STIM1: variants seen among roughly 807,000 people sequenced by gnomAD.
The protein encoded by STIM1 is stromal interaction molecule 1.
Under a neutral mutation model 74.7 loss-of-function variants are expected in STIM1, and 25 were observed. The observed-to-expected ratio is 0.33, with a 90% CI of 0.24 to 0.47. The LOEUF (loss-of-function observed/expected upper bound fraction) is 0.47, where lower values mean the gene tolerates loss of function less well. Among genes scored for constraint, STIM1 ranks in the 20% least tolerant of loss-of-function variants. The pLI is 1.00. For missense variants in STIM1, 728 were observed against 920.8 expected (o/e 0.79, Z 2.71); for synonymous variants, 328 against 348.8 (o/e 0.94, Z 0.66).
At chr11:4,046,997 G>T (rs1204315874) in intron 3 of STIM1, among the ~76,000 whole-genome samples, 2 of 152,082 alleles carry the variant, frequency 1.3e-5, no homozygotes, top group Non-Finnish European at 2.9e-5. Flanking sequence ...ACTTATCCAC[G>T]TGAGCTGTAT....
chr11:3,969,017 G>A (rs2093366464), intron 2 of STIM1, among the ~76,000 whole-genome samples: 1 of 152,202 alleles, frequency 6.6e-6, no homozygotes, highest in African/African-American at 2.4e-5. Flanking sequence ...CTGCTGTATT[G>A]TTTCTCCTAT....
chr11:3,990,451 A>G (rs73429613), intron 2 of STIM1, among the ~76,000 whole-genome samples: 1,950 of 152,330 alleles, frequency 0.013, 44 homozygotes, highest in African/African-American at 0.045. Context: ...GGGTACATAC[A>G]TATGAATAGA....
intron 1 of STIM1, among the ~76,000 whole-genome samples, chr11:3,941,675 G>T (rs12292282): frequency 0.016 from 896 of 55,216 alleles, 3 homozygotes; most frequent in East Asian, 0.035. Context: ...TATATATATA[G>T]AGAGAGAGAG....
At position 4,059,265 on chromosome 11, in the gene STIM1, C is replaced by T. The variant is rs746569099; in HGVS notation, c.498-16C>T. 1 of 1,609,902 alleles carries T rather than the reference C, an allele frequency of 6.2e-7. No individual in the cohort carries two copies. The stretch of plus-strand genomic sequence containing the variant: ...TTACTGGGAGGGAACTGATCTGCTA[C>T]TCTTTGCCTCAACAGGCTGGCTGTC... On this transcript the variant is annotated splice_polypyrimidine_tract_variant and intron_variant, in intron 4 of 12. Transcript: ENST00000526596.
intron 2 of STIM1, among the ~76,000 whole-genome samples, chr11:4,011,005 G>A (rs2093830855): frequency 6.6e-6 from 1 of 152,120 alleles, no homozygotes; most frequent in Non-Finnish European, 1.5e-5. Context: ...TGCTGAGAAT[G>A]ATGGTTTCCA....
At chr11:3,968,256 G>A (rs1261613630) in intron 2 of STIM1, among the ~76,000 whole-genome samples, 1 of 152,174 alleles carries the variant, frequency 6.6e-6, no homozygotes, top group Non-Finnish European at 1.5e-5. Context: ...TCATCTTTTG[G>A]CATTATTGTA....
chr11:3,968,804 T>C (rs542731547), intron 2 of STIM1, among the ~76,000 whole-genome samples: 87 of 152,360 alleles, frequency 5.7e-4, no homozygotes, highest in Non-Finnish European at 8.8e-4. Context: ...GTGAAAACCA[T>C]GATACTAGCT....
chr11:3,907,232 G>A (rs1386467962), intron 1 of STIM1, among the ~76,000 whole-genome samples: 2 of 152,134 alleles, frequency 1.3e-5, no homozygotes, highest in Non-Finnish European at 2.9e-5. Context: ...ACTATTCACT[G>A]GGAGCTTTGT....
At chr11:3,899,098 A>G (rs1360733422) in intron 1 of STIM1, among the ~76,000 whole-genome samples, 3 of 152,188 alleles carry the variant, frequency 2.0e-5, no homozygotes, top group African/African-American at 7.2e-5. Context: ...TCTATAAATT[A>G]CCTTGGGCAG....
intron 1 of STIM1, among the ~76,000 whole-genome samples, chr11:3,949,668 G>C (rs1788928159): frequency 6.6e-6 from 1 of 152,134 alleles, no homozygotes; most frequent in South Asian, 2.1e-4. Flanking sequence ...CCCTGTGAAG[G>C]ATTTTTTAAA....
chr11:3,996,383 T>C (rs187505359), intron 2 of STIM1, among the ~76,000 whole-genome samples: 2 of 152,300 alleles, frequency 1.3e-5, no homozygotes, highest in Non-Finnish European at 2.9e-5. Context: ...TGGCACTGCA[T>C]CCAAGGTAAA....
At chr11:3,989,635 G>A (rs555351016) in intron 2 of STIM1, among the ~76,000 whole-genome samples, 2 of 152,336 alleles carry the variant, frequency 1.3e-5, no homozygotes, top group Admixed American at 6.5e-5. Context: ...AGTTTAGGGG[G>A]AAAGCTAAAG....
At chr11:3,955,928 A>T (rs1400388381) in intron 1 of STIM1, among the ~76,000 whole-genome samples, 1 of 151,500 alleles carries the variant, frequency 6.6e-6, no homozygotes, top group African/African-American at 2.4e-5. Context: ...AAATTTTTTT[A>T]TTATTATTTT....
chr11:3,974,325 C>T, intron 2 of STIM1: 1 of 234,978 alleles, frequency 4.3e-6, no homozygotes, highest in South Asian at 1.1e-4. Context: ...GCTGAATATA[C>T]TCTGCTGTGA....
chr11:4,055,157 A>T (rs2094278494), intron 3 of STIM1, among the ~76,000 whole-genome samples: 1 of 152,240 alleles, frequency 6.6e-6, no homozygotes, highest in Admixed American at 6.5e-5. Flanking sequence ...AAAAGAAGAT[A>T]CACCTATTTT....
chr11:3,911,801 CCT>C (rs2092566300), intron 1 of STIM1, among the ~76,000 whole-genome samples: 1 of 152,172 alleles, frequency 6.6e-6, no homozygotes, highest in South Asian at 2.1e-4. Context: ...CTGTTACTCT[CCT>C]ATCATACTTT....
intron 2 of STIM1, chr11:3,972,767 T>C: frequency 2.2e-6 from 1 of 453,350 alleles, no homozygotes; most frequent in South Asian, 1.6e-5. Flanking sequence ...GTCACTTCTC[T>C]GGCTCTCTTC....
Position 4,092,421 on chromosome 11 carries a change from A to C in STIM1, c.*623A>C, listed in dbSNP as rs2094529830. 1 of 162,870 alleles carries C rather than the reference A, an allele frequency of 6.1e-6. No homozygotes were observed. The highest frequency in any genetic ancestry group is 1.4e-5 in the Non-Finnish European group (1 of 73,044). The allele number at this position is 162,870 out of a possible 1,614,324, so 10.1% of individuals were successfully genotyped here. A position where few individuals can be genotyped will look rare whatever the true frequency, so the allele number is the denominator to read the frequency against. On this transcript the variant is annotated 3_prime_UTR_variant, in exon 13 of 13. Transcript: ENST00000526596. ...GAAACCAATTCTCAGAGAACAACCC[A>C]CCAGAGACTTTTAAAGAGAGGCCAG...
At chr11:3,975,052 T>C (rs1156917155) in intron 2 of STIM1, among the ~76,000 whole-genome samples, 2 of 152,186 alleles carry the variant, frequency 1.3e-5, no homozygotes, top group Non-Finnish European at 1.5e-5. Flanking sequence ...GGCTAGGGAT[T>C]CCACAGTGTA....
Sources: gnomAD v4.1 joint callset for allele counts (sites outside exome capture counted in the v4.1 genomes callset) on GRCh38, gnomAD v4.1.1 for gene constraint, MANE v1.5 for transcripts, NCBI Gene and HGNC (gene_info 2026-07-23, HGNC 2026-07-21) for gene names.